Variants in HAPLN2 observed in about 807,000 individuals in gnomAD.
The protein encoded by HAPLN2 is hyaluronan and proteoglycan link protein 2.
Under a neutral mutation model 29.3 loss-of-function variants are expected in HAPLN2, and 27 were observed. The observed-to-expected ratio is 0.92, with a 90% CI of 0.68 to 1.27. The LOEUF (loss-of-function observed/expected upper bound fraction) is 1.27, where lower values mean the gene tolerates loss of function less well. Among genes scored for constraint, HAPLN2 ranks in the 50% most tolerant of loss-of-function variants. The pLI is 0.00. For synonymous variants in HAPLN2, 208 were observed against 211.7 expected, an observed-to-expected ratio of 0.98 and a Z score of 0.15; for missense variants, 454 against 484.3, an observed-to-expected ratio of 0.94 and a Z score of 0.59.
At chr1:156,610,571 C>T in the HAPLN2 span, among the ~76,000 whole-genome samples, 1 of 150,928 alleles carries the variant, frequency 6.6e-6, no homozygotes, top group African/African-American at 2.4e-5. Flanking sequence ...ACCAGGAAGG[C>T]GGAGGTTGCA....
the HAPLN2 span, among the ~76,000 whole-genome samples, chr1:156,609,367 A>G: frequency 1.3e-5 from 2 of 152,256 alleles, no homozygotes; most frequent in East Asian, 3.8e-4. Context: ...GCCTTGAAAG[A>G]TTGCAAAGAC....
chr1:156,624,384 G>A lies in HAPLN2; in HGVS notation c.473G>A (p.Arg158Gln), dbSNP rs1435860984. 1 of 1,607,826 alleles carries A rather than the reference G, an allele frequency of 6.2e-7. No homozygotes were observed. Among genetic ancestry groups the A allele is most frequent in the Non-Finnish European group, 8.5e-7 (1 of 1,177,432 alleles). ...TTTCCGTACCAACCCAGCCGGGGCC[G>A]GTACCAGTTCAATTACTACGAGGCG... ...VVFPYQPSRG[R>Q]YQFNYYEAKQ... Residue 158 changes from arginine to glutamine, a missense_variant, in exon 5 of 7, where the codon CGG (arginine) becomes CAG (glutamine). Coordinates refer to ENST00000255039, the MANE Select transcript of HAPLN2 (RefSeq NM_021817.3).
Position 156,624,091 on chromosome 1 carries a change from G to A in HAPLN2, c.370G>A (p.Gly124Ser), listed in dbSNP as rs371531640. 3.5e-5 allele frequency: 56 copies of A among 1,613,580 alleles called. No individual in the cohort carries two copies. Among genetic ancestry groups the A allele is most frequent in the Non-Finnish European group, 4.5e-5 (53 of 1,179,928 alleles). ...VIAGVRLEDE[G>S]RYRCELINGI... ...CGCGGGCGTGCGCCTGGAGGACGAGGGCCGGTACCGCTGCGAGCTCATCAA... is the reference window on the plus strand; with the variant it reads ...CGCGGGCGTGCGCCTGGAGGACGAGAGCCGGTACCGCTGCGAGCTCATCAA... The change falls in exon 4 of 7, where the codon GGC (glycine) becomes AGC (serine). Residue 124 changes from glycine (G) to serine (S), a missense_variant. By Grantham distance (56) the Gly-to-Ser change is moderately conservative. Around this residue, in one of 3 missense-constraint regions of HAPLN2, gnomAD observed 204 missense variants for 209.2 expected, o/e 0.98. Transcript: ENST00000255039.
chr1:156,618,595 C>T (rs1281139289), upstream of HAPLN2, among the ~76,000 whole-genome samples: 1 of 151,684 alleles, frequency 6.6e-6, no homozygotes, highest in African/African-American at 2.4e-5. Context: ...CTGGTTAACA[C>T]GGGGAAACCC....
At chr1:156,610,941 C>T in the HAPLN2 span, among the ~76,000 whole-genome samples, 1 of 152,142 alleles carries the variant, frequency 6.6e-6, no homozygotes, top group Non-Finnish European at 1.5e-5. Context: ...ACATAAAAAT[C>T]ATAAGTGGAA....
upstream of HAPLN2, among the ~76,000 whole-genome samples, chr1:156,618,778 CAAAAAAAAA>C (rs67222173): frequency 0.033 from 1,377 of 41,710 alleles, 24 homozygotes; most frequent in African/African-American, 0.088. Flanking sequence ...GACTCCGTCT[CAAAAAAAAA>C]AAAAAAAAAA....
chr1:156,612,213 G>A, the HAPLN2 span, among the ~76,000 whole-genome samples: 161 of 151,986 alleles, frequency 1.1e-3, no homozygotes, highest in Non-Finnish European at 1.9e-3. Flanking sequence ...TAGTAGAGAC[G>A]GGGTTTCACC....
rs1678402707 is a variant in HAPLN2, at chr1:156,625,074, C to G, written c.740-27C>G. 1 of 1,533,164 alleles carries G rather than the reference C, an allele frequency of 6.5e-7. No individual in the cohort carries two copies. The highest frequency in any genetic ancestry group is 2.0e-5 in the Admixed American group (1 of 50,374). The allele number at this position is 1,533,164 out of a possible 1,614,324, so 95.0% of individuals were successfully genotyped here. ...CGCCCCTCTCCGCCCACCCTGCCCTCGGTCGGTGACCCGCTGTGGTCCCCA... is the reference window on the plus strand; with the variant it reads ...CGCCCCTCTCCGCCCACCCTGCCCTGGGTCGGTGACCCGCTGTGGTCCCCA... On this transcript the variant is annotated intron_variant, in intron 6 of 6. Transcript: ENST00000255039. The surrounding 1 kb of genome is among the most constrained non-coding windows in gnomAD (Gnocchi z 5.7).
chr1:156,602,605 C>T, the HAPLN2 span, among the ~76,000 whole-genome samples: 1 of 143,482 alleles, frequency 7.0e-6, no homozygotes, highest in Non-Finnish European at 1.5e-5. Context: ...GCCTGTGGGT[C>T]CCAGCTACTG....
chr1:156,623,379 G>C, intron 2 of HAPLN2, 88 bp from the exon 3 acceptor site: 1 of 1,124,980 alleles, frequency 8.9e-7, no homozygotes. Flanking sequence ...TCCCTTCTAG[G>C]ATCTCTGATG....
chr1:156,616,101 A>T (rs1419662555), upstream of HAPLN2, among the ~76,000 whole-genome samples: 1 of 152,100 alleles, frequency 6.6e-6, no homozygotes, highest in East Asian at 1.9e-4. Context: ...GGTCAGGAAA[A>T]CTGGCCAGCT....
chr1:156,625,120 C>G lies in HAPLN2; in HGVS notation c.759C>G (p.Pro253=). The G allele has an allele frequency of 6.5e-7, 1 of 1,539,400 alleles. No homozygotes were observed. The highest frequency in any genetic ancestry group is 8.7e-7 in the Non-Finnish European group (1 of 1,146,592). Residue 253 remains proline, a synonymous_variant, in exon 7 of 7, where the codon CCC becomes CCG. Transcript: ENST00000255039. The surrounding 1 kb of genome is among the most constrained non-coding windows in gnomAD (Gnocchi z 5.7). ...SALAGQVFFV[P]GRLTLSEAHA... Reference sequence around the variant, plus strand: ...CCCCAGGCCAAGTGTTCTTCGTGCCCGGGCGGCTGACGCTGTCTGAAGCCC... The same window carrying G: ...CCCCAGGCCAAGTGTTCTTCGTGCCGGGGCGGCTGACGCTGTCTGAAGCCC...
chr1:156,621,102 A>ATTTTT (rs10653107), intron 2 of HAPLN2, among the ~76,000 whole-genome samples: 23 of 126,068 alleles, frequency 1.8e-4, no homozygotes, highest in South Asian at 2.6e-4. Flanking sequence ...AGAAGTCTTC[A>ATTTTT]TTTTTTTTTT....
At chr1:156,605,271 GA>G in the HAPLN2 span, among the ~76,000 whole-genome samples, 2 of 146,024 alleles carry the variant, frequency 1.4e-5, no homozygotes, top group African/African-American at 2.5e-5. Context: ...GTCTGAAAAA[GA>G]AAAAAAAAGA....
At chr1:156,622,669 G>A (rs926727303) in intron 2 of HAPLN2, among the ~76,000 whole-genome samples, 18 of 152,078 alleles carry the variant, frequency 1.2e-4, no homozygotes, top group African/African-American at 4.1e-4. Context: ...GAGGCGAGGC[G>A]GGGACCATGC....
chr1:156,624,877 C>T lies in HAPLN2; in HGVS notation c.739+94C>T. 8 of 1,374,530 alleles carry T rather than the reference C, an allele frequency of 5.8e-6. 1 individual carries two copies. The South Asian group carries it at 7.5e-5, about 13-fold the overall frequency. The allele number at this position is 1,374,530 out of a possible 1,614,324, so 85.1% of individuals were successfully genotyped here. ...TCAGCTTGAGATCAGGGCAGGGTCT[C>T]CGGGTCCCTCCAAGGCACCGCCCCC... On this transcript the variant is annotated intron_variant, in intron 6 of 6. Coordinates refer to ENST00000255039, the MANE Select transcript of HAPLN2 (RefSeq NM_021817.3).
intron 2 of HAPLN2, among the ~76,000 whole-genome samples, chr1:156,620,466 A>G (rs141027793): frequency 6.6e-5 from 10 of 152,298 alleles, no homozygotes; most frequent in African/African-American, 1.9e-4. Context: ...GGCACATTCA[A>G]TTTTAAACGT....
At chr1:156,617,351 CTTT>C (rs36034383), upstream of HAPLN2, among the ~76,000 whole-genome samples, 3 of 126,598 alleles carry the variant, frequency 2.4e-5, no homozygotes, top group Admixed American at 8.5e-5. Context: ...GGGTATGGTT[CTTT>C]TTTTTTTTTT....
At chr1:156,621,928 C>A (rs544842031) in intron 2 of HAPLN2, among the ~76,000 whole-genome samples, 38 of 151,144 alleles carry the variant, frequency 2.5e-4, no homozygotes, top group Non-Finnish European at 4.9e-4. Flanking sequence ...TGTGCTCCAG[C>A]CTGGGCAACA....
Sources: gnomAD v4.1 joint callset for allele counts (sites outside exome capture counted in the v4.1 genomes callset) on GRCh38, gnomAD v4.1.1 for gene constraint, gnomAD v4.1.1 regional missense constraint, Gnocchi (gnomAD v3.1) non-coding constraint, MANE v1.5 for transcripts, NCBI Gene and HGNC (gene_info 2026-07-23, HGNC 2026-07-21) for gene names.